SETD2: variants seen among roughly 807,000 people sequenced by gnomAD.
SETD2 encodes the protein histone-lysine N-methyltransferase SETD2.
In SETD2, 31 loss-of-function variants were observed where a neutral mutation model predicts 242.1. The observed-to-expected ratio is 0.13, with a 90% CI of 0.10 to 0.17. The LOEUF (loss-of-function observed/expected upper bound fraction) is 0.17, where lower values mean the gene tolerates loss of function less well. Among genes scored for constraint, SETD2 ranks in the 10% least tolerant of loss-of-function variants. The pLI is 1.00. For missense variants in SETD2, 2,481 were observed against 3,046.3 expected, an observed-to-expected ratio of 0.81 and a Z score of 4.37; for synonymous variants, 1,006 against 1,066.5, an observed-to-expected ratio of 0.94 and a Z score of 1.11.
At chr3:47,163,258 G>A (rs1316448957) in intron 1 of SETD2, among the ~76,000 whole-genome samples, 1 of 152,234 alleles carries the variant, frequency 6.6e-6, no homozygotes, top group Non-Finnish European at 1.5e-5. Context: ...GCAAGGCCAG[G>A]ATCGAGTTCC....
rs2043189734 is a variant in SETD2 at position 47,123,438 on chromosome 3, G to T, written c.1198C>A (p.Arg400=). 6.4e-7 allele frequency: 1 copy of T among 1,551,266 alleles called. No individual in the cohort carries two copies. Residue 400 remains arginine, a synonymous_variant, in exon 3 of 21, where the codon CGA becomes AGA. Coordinates refer to ENST00000409792, the MANE Select transcript of SETD2 (RefSeq NM_014159.7). ...CTAGAGTGAGATCTGCTCCGCCGTC[G>T]CTCTCTTTCTGATCTACATCGGGAA... ...VSSRCRSERE[R]RRSRSHSRSE...
intron 1 of SETD2, among the ~76,000 whole-genome samples, chr3:47,161,022 C>T: frequency 6.6e-6 from 1 of 152,196 alleles, no homozygotes; most frequent in East Asian, 1.9e-4. Context: ...TTACTTCAGT[C>T]AAACTGAATT....
rs2107746955 is a variant in SETD2, at chr3:47,120,874, C to T, written c.3762G>A (p.Glu1254=). 1 of 1,614,204 alleles carries T rather than the reference C, an allele frequency of 6.2e-7. No individual in the cohort carries two copies. The highest frequency in any genetic ancestry group is 8.5e-7 in the Non-Finnish European group (1 of 1,180,046). The change falls in exon 3 of 21, where the codon GAG becomes GAA. Residue 1254 remains glutamate (E), a synonymous_variant. Coordinates refer to ENST00000409792, the MANE Select transcript of SETD2 (RefSeq NM_014159.7). ...AGAAGTCCCAACCTAAGTTTCTGAGCTCTTCTGATGAGTGCAAGCCATCCA... is the reference window on the plus strand; with the variant it reads ...AGAAGTCCCAACCTAAGTTTCTGAGTTCTTCTGATGAGTGCAAGCCATCCA... ...PHVDGLHSSE[E]LRNLGWDFSQ... is the part of the protein sequence containing the mutation.
intron 12 of SETD2, among the ~76,000 whole-genome samples, chr3:47,073,330 C>T (rs2040910490): frequency 6.6e-6 from 1 of 152,028 alleles, no homozygotes; most frequent in Non-Finnish European, 1.5e-5. Flanking sequence ...CAAAATTAAG[C>T]AGATAAATTT....
At chr3:47,147,646 G>A (rs958225500) in intron 1 of SETD2, among the ~76,000 whole-genome samples, 1 of 151,354 alleles carries the variant, frequency 6.6e-6, no homozygotes, top group East Asian at 2.0e-4. Context: ...TTTCTAGGCC[G>A]GGCGCGGTGG....
intron 3 of SETD2, among the ~76,000 whole-genome samples, 183 bp from the exon 4 acceptor site, chr3:47,116,937 G>A (rs2042878036): frequency 6.6e-6 from 1 of 151,974 alleles, no homozygotes; most frequent in East Asian, 1.9e-4. Flanking sequence ...TCAACCTCCT[G>A]GATTCAAATG....
At chr3:47,036,764 G>A (rs1272008652) in intron 18 of SETD2, among the ~76,000 whole-genome samples, 3 of 151,824 alleles carry the variant, frequency 2.0e-5, no homozygotes, top group Admixed American at 6.6e-5. Context: ...TTAGCCGGGC[G>A]TGGAGTGCAC....
chr3:47,130,508 T>C (rs866200008), intron 1 of SETD2, among the ~76,000 whole-genome samples: 2 of 152,204 alleles, frequency 1.3e-5, no homozygotes, highest in African/African-American at 4.8e-5. Flanking sequence ...ATTAATACAA[T>C]TGTGAGACCA....
rs2106663130 is a variant in SETD2, at chr3:47,121,879, C to T, written c.2757G>A (p.Glu919=). 1 of 1,614,000 alleles carries T rather than the reference C, an allele frequency of 6.2e-7. No individual in the cohort carries two copies. Among genetic ancestry groups the T allele is most frequent in the Non-Finnish European group, 8.5e-7 (1 of 1,179,988 alleles). ...DAVLKSKKSS[E]FLKHAGKETI... ...TTTCTTTCCCTGCATGCTTTAAAAA[C>T]TCTGAACTTTTTTTACTCTTTAGCA... The change falls in exon 3 of 21, where the codon GAG becomes GAA. Residue 919 remains glutamate, a synonymous_variant. Coordinates refer to ENST00000409792, the MANE Select transcript of SETD2 (RefSeq NM_014159.7).
Position 47,124,075 on chromosome 3 carries a change from G to C in SETD2, c.561C>G (p.Pro187=), listed in dbSNP as rs1553701917. 1.3e-6 allele frequency: 2 copies of C among 1,551,752 alleles called. No homozygotes were observed. The highest frequency in any genetic ancestry group is 1.4e-5 in the African/African-American group (1 of 73,048). The change falls in exon 3 of 21, where the codon CCC becomes CCG. Residue 187 remains proline (P), a synonymous_variant. Coordinates refer to ENST00000409792, the MANE Select transcript of SETD2 (RefSeq NM_014159.7). ...GTGGAGGCGGTGGAGGCGGAGATGA[G>C]GGCGGTGAGTCTACAGTTGTTGATT... ...IAESTTVDSP[P]SSPPPPPPPA... is the part of the protein sequence containing the mutation.
At position 47,016,873 on chromosome 3, in the gene SETD2, T is replaced by C; in HGVS notation, c.*220A>G. On this transcript the variant is annotated 3_prime_UTR_variant, in exon 21 of 21. Coordinates refer to ENST00000409792, the MANE Select transcript of SETD2 (RefSeq NM_014159.7). Reference sequence around the variant, plus strand: ...CTTTTCTAAGCCCTTGCACCTCTGATGGCTTCTAACCACATGCCAACAGCT... The same window carrying C: ...CTTTTCTAAGCCCTTGCACCTCTGACGGCTTCTAACCACATGCCAACAGCT... 1.9e-6 allele frequency: 1 copy of C among 534,262 alleles called. No individual in the cohort carries two copies. Among genetic ancestry groups the C allele is most frequent in the Non-Finnish European group, 3.3e-6 (1 of 299,402 alleles). The allele number at this position is 534,262 out of a possible 1,614,324, so 33.1% of individuals were successfully genotyped here.
chr3:47,059,209 C>T lies in SETD2; in HGVS notation c.6294-1719G>A, dbSNP rs180766619. 3.6e-3 allele frequency among the ~76,000 whole-genome samples: 538 copies of T among 150,728 alleles called. 4 individuals are homozygous for T. Among genetic ancestry groups the T allele is most frequent in the African/African-American group, 0.012 (493 of 40,758 alleles). On this transcript the variant is annotated intron_variant, in intron 14 of 20. Transcript: ENST00000409792. ...TCAGCTCACTGCAACCTCCACCTCC[C>T]GGGTTCAAGTGCTTCTCCTGCCTTA...
intron 18 of SETD2, among the ~76,000 whole-genome samples, chr3:47,031,854 T>TAA (rs2107518517): frequency 6.6e-6 from 1 of 152,280 alleles, no homozygotes; most frequent in Admixed American, 6.5e-5. Flanking sequence ...TATTTTAAAA[T>TAA]AACATTAGCA....
chr3:47,031,745 A>C (rs2038780328), intron 18 of SETD2, among the ~76,000 whole-genome samples: 1 of 152,228 alleles, frequency 6.6e-6, no homozygotes. Flanking sequence ...TTATATTCTT[A>C]AAACACTGAG....
intron 14 of SETD2, 75 bp from the exon 15 acceptor site, chr3:47,057,565 G>T: frequency 9.1e-7 from 1 of 1,101,454 alleles, no homozygotes; most frequent in Non-Finnish European, 1.3e-6. Flanking sequence ...TAAGTATTAT[G>T]TCACTCATGA....
chr3:47,120,623 T>C lies in SETD2; in HGVS notation c.4013A>G (p.Glu1338Gly), dbSNP rs2043036828. ...PDSLTDDREEEENWDQQDGSH... is the reference protein window; with the variant it reads ...PDSLTDDREEGENWDQQDGSH... ...TCCATCCTGTTGATCCCAATTCTCC[T>C]CTTCTTCACGATCATCTGTTAGGGA... The change falls in exon 3 of 21, where the codon GAG (glutamate) becomes GGG (glycine). Residue 1338 changes from glutamate (E) to glycine (G), a missense_variant. By Grantham distance (98) the Glu-to-Gly change is moderately conservative. Coordinates refer to ENST00000409792, the MANE Select transcript of SETD2 (RefSeq NM_014159.7). The C allele has an allele frequency of 6.2e-7, 1 of 1,614,106 alleles. No individual in the cohort carries two copies. Among genetic ancestry groups the C allele is most frequent in the African/African-American group, 1.3e-5 (1 of 75,060 alleles).
chr3:47,155,462 G>C (rs552622737), intron 1 of SETD2, among the ~76,000 whole-genome samples: 17 of 152,088 alleles, frequency 1.1e-4, no homozygotes, highest in Admixed American at 2.0e-4. Context: ...GTACATTATG[G>C]GAATTCACTG....
intron 5 of SETD2, 42 bp downstream of exon 5, chr3:47,113,834 G>C (rs2107718033): frequency 6.3e-7 from 1 of 1,594,894 alleles, no homozygotes; most frequent in Non-Finnish European, 8.5e-7. Flanking sequence ...GTGAGACCTT[G>C]TCTCAAAAAA....
intron 10 of SETD2, 126 bp downstream of exon 10, chr3:47,087,987 A>G: frequency 2.9e-6 from 3 of 1,038,982 alleles, no homozygotes; most frequent in Non-Finnish European, 4.0e-6. Context: ...AAACAAACAA[A>G]CAAACAAATA....
Sources: allele counts gnomAD v4.1 joint callset (sites outside exome capture counted in the v4.1 genomes callset), GRCh38; gene constraint gnomAD v4.1.1; transcripts MANE v1.5; gene names NCBI Gene and HGNC (gene_info 2026-07-23, HGNC 2026-07-21).